RABGAP1L: variants seen among roughly 807,000 people sequenced by gnomAD.
RABGAP1L encodes rab GTPase-activating protein 1-like.
In RABGAP1L, 63 loss-of-function variants were observed where a neutral mutation model predicts 137.7. The observed-to-expected ratio is 0.46, with a 90% CI of 0.37 to 0.56. The LOEUF (loss-of-function observed/expected upper bound fraction) is 0.56, where lower values mean the gene tolerates loss of function less well. RABGAP1L is among the 20% of genes least tolerant of loss of function. RABGAP1L has a pLI of 0.00. For missense variants in RABGAP1L, 1,095 were observed against 1,244.0 expected, an observed-to-expected ratio of 0.88 and a Z score of 1.80; for synonymous variants, 431 against 433.7, an observed-to-expected ratio of 0.99 and a Z score of 0.08.
At chr1:174,532,109 G>A (rs1362857799) in intron 13 of RABGAP1L, among the ~76,000 whole-genome samples, 1 of 152,056 alleles carries the variant, frequency 6.6e-6, no homozygotes, top group East Asian at 1.9e-4. Context: ...CTTGGGAAGA[G>A]GGAAAGGAAA....
At position 174,726,440 on chromosome 1, in the gene RABGAP1L, TC is replaced by T. The variant is rs1681989476; in HGVS notation, c.2169+24185del. On this transcript the variant is annotated intron_variant, in intron 17 of 25. Transcript: ENST00000681986. ...AAGACTTTTTATAAATTAGGGTACA[TC>T]TTTTTTTTTTATTTTTCACATAATT... 1.3e-5 allele frequency among the ~76,000 whole-genome samples: 2 copies of T among 151,748 alleles called. 1 individual carries two copies. The highest frequency in any genetic ancestry group is 4.1e-4 in the South Asian group (2 of 4,822).
intron 19 of RABGAP1L, among the ~76,000 whole-genome samples, chr1:174,846,640 C>G (rs1464102799): frequency 2.8e-5 from 2 of 70,794 alleles, no homozygotes; most frequent in African/African-American, 6.4e-5. Context: ...GAGAGTTTTA[C>G]TTCCAACTAT....
At position 174,682,436 on chromosome 1, in the gene RABGAP1L, G is replaced by T. The variant is rs1334221530; in HGVS notation, c.1825-1086G>T. Among the ~76,000 whole-genome samples the T allele has an allele frequency of 4.1e-5, 6 of 146,336 alleles. No homozygotes were observed. The East Asian group carries it at 9.8e-4, about 24-fold the overall frequency. On this transcript the variant is annotated intron_variant, in intron 14 of 25. Coordinates refer to ENST00000681986, the MANE Select transcript of RABGAP1L (RefSeq NM_001366446.1). ...TTTGTACTGCCCCAATGTAAGAATG[G>T]TTTTACATTTTAAAAAGTTGTTTAA...
intron 14 of RABGAP1L, among the ~76,000 whole-genome samples, chr1:174,680,922 A>G (rs947931008): frequency 1.3e-5 from 2 of 152,148 alleles, no homozygotes; most frequent in Non-Finnish European, 2.9e-5. Context: ...GCAACACATA[A>G]TTGGGCAGGA....
At chr1:174,260,286 T>C (rs2148626746) in intron 7 of RABGAP1L, among the ~76,000 whole-genome samples, 1 of 152,324 alleles carries the variant, frequency 6.6e-6, no homozygotes, top group Admixed American at 6.5e-5. Context: ...AATTCTTGAT[T>C]ATATACTAGG....
rs557795232 is a variant in RABGAP1L at position 174,458,265 on chromosome 1, G to A, written c.1710+64120G>A. On this transcript the variant is annotated intron_variant, in intron 13 of 25. Coordinates refer to ENST00000681986, the MANE Select transcript of RABGAP1L (RefSeq NM_001366446.1). ...ACAATGGTAGAGAGTAGTTGTCATG[G>A]AAATGTTATGTTCTACAAAGCCTAA... Among the ~76,000 whole-genome samples the A allele has an allele frequency of 1.4e-4, 21 of 151,822 alleles. No individual in the cohort carries two copies. In the South Asian group the frequency reaches 4.4e-3, roughly 32 times the overall value.
chr1:174,545,212 A>T (rs528389641), intron 13 of RABGAP1L: 1 of 152,674 alleles, frequency 6.5e-6, no homozygotes, highest in Admixed American at 6.5e-5. Flanking sequence ...ACTGGAGTCC[A>T]GGAAGGCAGG....
chr1:174,159,946 G>T (rs1281109189), intron 1 of RABGAP1L: 1 of 152,320 alleles, frequency 6.6e-6, no homozygotes, highest in African/African-American at 2.4e-5. Flanking sequence ...TTTGGCGGCC[G>T]CCTCCTCCAG....
chr1:174,318,045 GT>G lies in RABGAP1L; in HGVS notation c.1465+12931del, dbSNP rs60940580. On this transcript the variant is annotated intron_variant, in intron 11 of 25. Coordinates refer to ENST00000681986, the MANE Select transcript of RABGAP1L (RefSeq NM_001366446.1). ...GGGGTGGTATTGGCAGTTCAGGACT[GT>G]TTTTTTTTTTTTCTATCTCTTCAGT... 2.8e-3 allele frequency among the ~76,000 whole-genome samples: 408 copies of G among 144,848 alleles called. 4 individuals carry two copies. Among genetic ancestry groups the G allele is most frequent in the Middle Eastern group, 0.015 (4 of 268 alleles).
In RABGAP1L at chr1:174,250,498, C is replaced by T; in HGVS notation, c.741C>T (p.Phe247=). The change falls in exon 6 of 26, where the codon TTC becomes TTT. Residue 247 remains phenylalanine, a synonymous_variant. Coordinates refer to ENST00000681986, the MANE Select transcript of RABGAP1L (RefSeq NM_001366446.1). ...AGGTAAGCAGAATTTTGTACAGTTT[C>T]TGTACAGCATTCAAACGTTCTTCCA... ...KEAVSRILYS[F]CTAFKRSSRQ... is the part of the protein sequence containing the mutation. The T allele has an allele frequency of 1.9e-6, 3 of 1,612,434 alleles. No individual in the cohort carries two copies. Among genetic ancestry groups the T allele is most frequent in the Non-Finnish European group, 2.5e-6 (3 of 1,179,020 alleles).
intron 19 of RABGAP1L, among the ~76,000 whole-genome samples, chr1:174,843,733 G>A (rs1693730369): frequency 1.1e-5 from 1 of 89,180 alleles, no homozygotes; most frequent in Non-Finnish European, 2.2e-5. Context: ...AGTCATTTGG[G>A]TATATACCCA....
intron 13 of RABGAP1L, among the ~76,000 whole-genome samples, chr1:174,546,421 A>G (rs1666014400): frequency 1.3e-5 from 2 of 152,228 alleles, no homozygotes; most frequent in Admixed American, 6.5e-5. Context: ...CTATTAAACC[A>G]CTGCTCTAGA....
At chr1:174,911,439 C>G (rs1660038591) in intron 19 of RABGAP1L, among the ~76,000 whole-genome samples, 1 of 152,036 alleles carries the variant, frequency 6.6e-6, no homozygotes, top group African/African-American at 2.4e-5. Context: ...TAAGCTTTAT[C>G]TTTCTATGAA....
At chr1:174,951,609 C>G (rs1368011531) in intron 19 of RABGAP1L, among the ~76,000 whole-genome samples, 1 of 152,108 alleles carries the variant, frequency 6.6e-6, no homozygotes, top group Non-Finnish European at 1.5e-5. Context: ...TAGTTTAGCT[C>G]AGAGGCTTTT....
In RABGAP1L at chr1:174,917,009, CT is replaced by C. The variant is rs756082256; in HGVS notation, c.2341-40444del. ...GTAGATTTGGTTCCTGGTGAGAACTCTTTTCCTGGCTTGCAGATAGCCACCT... is the reference window on the plus strand; with the variant it reads ...GTAGATTTGGTTCCTGGTGAGAACTCTTTCCTGGCTTGCAGATAGCCACCT... On this transcript the variant is annotated intron_variant, in intron 19 of 25. Transcript: ENST00000681986. Among the ~76,000 whole-genome samples, 4 of 152,324 alleles carry C rather than the reference CT, an allele frequency of 2.6e-5. 1 individual carries two copies. The East Asian group carries it at 7.7e-4, about 29-fold the overall frequency.
At position 174,637,586 on chromosome 1, in the gene RABGAP1L, G is replaced by T. The variant is rs112556397; in HGVS notation, c.1824+98G>T. 5 of 840,188 alleles carry T rather than the reference G, an allele frequency of 6.0e-6. No homozygotes were observed. The Admixed American group carries it at 8.5e-5, about 14-fold the overall frequency. The allele number at this position is 840,188 out of a possible 1,614,324, so 52.0% of individuals were successfully genotyped here. A position where few individuals can be genotyped will look rare whatever the true frequency, so the allele number is the denominator to read the frequency against. Reference sequence around the variant, plus strand: ...TTTACTCTGTCTTCATTTCTTATTTGCACTATGCCATGTTTTCTGCTTTGC... The same window carrying T: ...TTTACTCTGTCTTCATTTCTTATTTTCACTATGCCATGTTTTCTGCTTTGC... On this transcript the variant is annotated intron_variant, in intron 14 of 25. Transcript: ENST00000681986.
intron 18 of RABGAP1L, among the ~76,000 whole-genome samples, chr1:174,797,759 A>G (rs1183776030): frequency 6.6e-6 from 1 of 151,436 alleles, no homozygotes; most frequent in Non-Finnish European, 1.5e-5. Context: ...TTAGGGATAC[A>G]GTATGAAAGG....
chr1:174,380,616 T>A (rs1686045014), intron 12 of RABGAP1L, among the ~76,000 whole-genome samples: 1 of 152,150 alleles, frequency 6.6e-6, no homozygotes, highest in Non-Finnish European at 1.5e-5. Flanking sequence ...TTTGTATTTC[T>A]GTGGGATCTG....
intron 13 of RABGAP1L, among the ~76,000 whole-genome samples, chr1:174,621,509 T>G (rs373778853): frequency 6.6e-6 from 1 of 152,136 alleles, no homozygotes; most frequent in African/African-American, 2.4e-5. Context: ...AACAGAGATA[T>G]AGACCAATGG....
Sources: gnomAD v4.1 joint callset for allele counts (sites outside exome capture counted in the v4.1 genomes callset) on GRCh38, gnomAD v4.1.1 for gene constraint, MANE v1.5 for transcripts, NCBI Gene and HGNC (gene_info 2026-07-23, HGNC 2026-07-21) for gene names.